Variants in KIAA0232 observed in about 807,000 individuals in gnomAD.
The protein encoded by KIAA0232 is KIAA0232, also known as uncharacterized protein KIAA0232.
Under a neutral mutation model 122.0 loss-of-function variants are expected in KIAA0232, and 27 were observed. The ratio of observed to expected loss-of-function variants is 0.22; its 90% CI spans 0.16 to 0.31. KIAA0232 has a LOEUF of 0.31. Among genes scored for constraint, KIAA0232 ranks in the 10% least tolerant of loss-of-function variants. KIAA0232 has a pLI of 1.00. For synonymous variants in KIAA0232, 613 were observed against 587.6 expected (o/e 1.04, Z -0.63); for missense variants, 1,551 against 1,634.2 (o/e 0.95, Z 0.88).
rs985034122 is a variant in KIAA0232 at position 6,882,660 on chromosome 4, G to A, written c.*1694G>A. On this transcript the variant is annotated 3_prime_UTR_variant, in exon 10 of 10. Transcript: ENST00000307659. ...TGTGTGTGTGTGTGCGCGCGTGCGC[G>A]CGCGCATGTGTAAGGTTTTATGTTG... is the stretch of plus-strand genomic sequence containing the variant. The A allele has an allele frequency of 2.6e-4, 40 of 152,552 alleles. No individual in the cohort carries two copies. The highest frequency in any genetic ancestry group is 8.2e-4 in the African/African-American group (34 of 41,466). 9.4% of individuals were successfully genotyped at this position (152,552 alleles called of 1,614,324 possible). A position where few individuals can be genotyped will look rare whatever the true frequency, so the allele number is the denominator to read the frequency against.
At chr4:6,877,981 A>G (rs1037504903) in intron 9 of KIAA0232, among the ~76,000 whole-genome samples, 6 of 152,236 alleles carry the variant, frequency 3.9e-5, no homozygotes, top group Admixed American at 3.9e-4. Flanking sequence ...TATACCTAAC[A>G]TAATACAGCT....
Position 6,824,476 on chromosome 4 carries a change from T to C in KIAA0232, c.23T>C (p.Val8Ala). The change falls in exon 3 of 10, where the codon GTT (valine) becomes GCT (alanine). Residue 8 changes from valine (V) to alanine (A), a missense_variant. This residue lies in a region of KIAA0232 where 37 missense variants were observed against 28.5 expected (regional missense o/e 1.30). Transcript: ENST00000307659. The part of the protein sequence containing the change: MYPICTV[V>A]VDGLPSESSS... ...TTCATGTACCCTATCTGTACAGTTG[T>C]TGTGGATGGTTTGCCATCTGAAAGC... 6.2e-7 allele frequency: 1 copy of C among 1,614,158 alleles called. No homozygotes were observed. The highest frequency in any genetic ancestry group is 8.5e-7 in the Non-Finnish European group (1 of 1,179,992).
chr4:6,857,665 A>G (rs1420085885), intron 5 of KIAA0232, among the ~76,000 whole-genome samples: 1 of 152,192 alleles, frequency 6.6e-6, no homozygotes, highest in African/African-American at 2.4e-5. Context: ...TAAGACATGA[A>G]TTACTTCAGG....
In KIAA0232 at chr4:6,856,152, A is replaced by G. The variant is rs543158553; in HGVS notation, c.370-1012A>G. Among the ~76,000 whole-genome samples the G allele has an allele frequency of 1.2e-4, 18 of 152,300 alleles. No homozygotes were observed. The South Asian group carries it at 1.2e-3, about 11-fold the overall frequency. On this transcript the variant is annotated intron_variant, in intron 4 of 9. Coordinates refer to ENST00000307659, the MANE Select transcript of KIAA0232 (RefSeq NM_014743.3). ...GTGGGATTTCTTATGTAGGATATCTATAATATTTGTGCTGAGTCATTTTGA... is the reference window on the plus strand; with the variant it reads ...GTGGGATTTCTTATGTAGGATATCTGTAATATTTGTGCTGAGTCATTTTGA...
chr4:6,837,399 G>A (rs1218582947), intron 3 of KIAA0232, among the ~76,000 whole-genome samples: 1 of 151,522 alleles, frequency 6.6e-6, no homozygotes, highest in African/African-American at 2.4e-5. Flanking sequence ...ACGGGATGAC[G>A]GCCGGGAAGA....
chr4:6,817,324 CT>C (rs773120246), intron 2 of KIAA0232, among the ~76,000 whole-genome samples: 46 of 152,262 alleles, frequency 3.0e-4, no homozygotes, highest in Non-Finnish European at 5.9e-4. Flanking sequence ...TCAAGTGATT[CT>C]TTCACCTCAG....
At chr4:6,871,819 T>G (rs1479496489) in intron 8 of KIAA0232, 137 bp downstream of exon 8, 21 of 615,194 alleles carry the variant, frequency 3.4e-5, no homozygotes, top group South Asian at 3.4e-4. Context: ...TGTCATGCAC[T>G]GGGGACACAG....
rs1320931739 is a variant in KIAA0232, at chr4:6,861,002, C to A, written c.620C>A (p.Ser207Tyr). 4 of 1,614,074 alleles carry A rather than the reference C, an allele frequency of 2.5e-6. No individual in the cohort carries two copies. In the East Asian group the frequency reaches 8.9e-5, roughly 36 times the overall value. ...KSKVCSYSSS[S>Y]SSSTAPPAST... ...AAAGTCTGTTCTTACTCTAGCTCTT[C>A]TTCATCATCCACAGCCCCACCAGCT... The change falls in exon 7 of 10, where the codon TCT becomes TAT. Residue 207 changes from serine (S) to tyrosine (Y), a missense_variant. Around this residue, in one of 5 missense-constraint regions of KIAA0232, gnomAD observed 377 missense variants for 381.7 expected, o/e 0.99. Transcript: ENST00000307659.
At chr4:6,783,395 G>A (rs2108836619) in intron 1 of KIAA0232, among the ~76,000 whole-genome samples, 1 of 152,348 alleles carries the variant, frequency 6.6e-6, no homozygotes, top group East Asian at 1.9e-4. Context: ...CCGCGCCGGG[G>A]CGGCTCTTCT....
chr4:6,831,820 C>T (rs1718997910), intron 3 of KIAA0232, among the ~76,000 whole-genome samples: 16 of 152,200 alleles, frequency 1.1e-4, no homozygotes, highest in Admixed American at 1.0e-3. Flanking sequence ...CTCCCTCTGG[C>T]CCTAAGAGTT....
intron 4 of KIAA0232, among the ~76,000 whole-genome samples, chr4:6,850,901 C>T (rs1441033553): frequency 6.6e-6 from 1 of 152,162 alleles, no homozygotes; most frequent in African/African-American, 2.4e-5. Flanking sequence ...ATCTCTTGAC[C>T]TCGTGATCCG....
chr4:6,793,067 A>C (rs192532768), intron 1 of KIAA0232, among the ~76,000 whole-genome samples: 1 of 152,180 alleles, frequency 6.6e-6, no homozygotes, highest in Admixed American at 6.5e-5. Flanking sequence ...TCCTATGAAG[A>C]CTTCATAAAA....
intron 3 of KIAA0232, among the ~76,000 whole-genome samples, chr4:6,835,263 C>T (rs991319204): frequency 1.3e-5 from 2 of 152,084 alleles, no homozygotes; most frequent in African/African-American, 2.4e-5. Flanking sequence ...CTTTTACCAC[C>T]GAGCCTTGAA....
At chr4:6,800,039 C>CTTTTTTTTT (rs1717310962) in intron 1 of KIAA0232, among the ~76,000 whole-genome samples, 1 of 67,304 alleles carries the variant, frequency 1.5e-5, no homozygotes, top group Non-Finnish European at 3.1e-5. Flanking sequence ...TTCTTTCTTT[C>CTTTTTTTTT]TTTCTTTTTT....
At chr4:6,866,128 T>C (rs1411490410) in intron 7 of KIAA0232, 2 of 572,242 alleles carry the variant, frequency 3.5e-6, no homozygotes, top group Non-Finnish European at 4.4e-6. Flanking sequence ...TATCTGTTTG[T>C]TTATTGCCCC....
chr4:6,798,438 G>GC (rs1486483363), intron 1 of KIAA0232, among the ~76,000 whole-genome samples: 1 of 152,218 alleles, frequency 6.6e-6, no homozygotes, highest in Non-Finnish European at 1.5e-5. Flanking sequence ...GTGTAGTGTA[G>GC]CATTGGCTAC....
In KIAA0232 at chr4:6,810,417, A is replaced by G. The variant is rs553176306; in HGVS notation, c.-270+5811A>G. Among the ~76,000 whole-genome samples the G allele has an allele frequency of 1.6e-3, 244 of 152,318 alleles. 1 individual carries two copies. The highest frequency in any genetic ancestry group is 2.8e-3 in the Non-Finnish European group (190 of 68,016). On this transcript the variant is annotated intron_variant, in intron 2 of 9. Coordinates refer to ENST00000307659, the MANE Select transcript of KIAA0232 (RefSeq NM_014743.3). ...GGACCCCAGTCTCTCACCATATACA[A>G]AAAATCAACTCAAGATGGATTAAAG...
At chr4:6,874,768 A>AG (rs1489207504) in intron 8 of KIAA0232, among the ~76,000 whole-genome samples, 3 of 152,274 alleles carry the variant, frequency 2.0e-5, no homozygotes, top group Admixed American at 2.0e-4. Context: ...CCTCATTGTA[A>AG]GGTAAAGTGC....
Position 6,882,528 on chromosome 4 carries a change from C to T in KIAA0232, c.*1562C>T, listed in dbSNP as rs899463168. 6 of 152,094 alleles carry T rather than the reference C, an allele frequency of 3.9e-5. No homozygotes were observed. The highest frequency in any genetic ancestry group is 1.9e-4 in the East Asian group (1 of 5,186). The allele number at this position is 152,094 out of a possible 1,614,324, so 9.4% of individuals were successfully genotyped here. A position where few individuals can be genotyped will look rare whatever the true frequency, so the allele number is the denominator to read the frequency against. On this transcript the variant is annotated 3_prime_UTR_variant, in exon 10 of 10. Transcript: ENST00000307659. The stretch of plus-strand genomic sequence containing the variant: ...TGGAGTCATTGAGGGTCTGTGTGTC[C>T]TCACCGAGAGGGACCTGGTGTGCCC...
Sources: gnomAD v4.1 joint callset for allele counts (sites outside exome capture counted in the v4.1 genomes callset) on GRCh38, gnomAD v4.1.1 for gene constraint, gnomAD v4.1.1 regional missense constraint, MANE v1.5 for transcripts, NCBI Gene and HGNC (gene_info 2026-07-23, HGNC 2026-07-21) for gene names.